Variants in LY86 observed in about 807,000 individuals in gnomAD.
LY86 encodes the protein lymphocyte antigen 86, also known as MD-1, RP105-associated.
A neutral mutation model predicts 17.3 loss-of-function variants in LY86; 20 were observed. The observed-to-expected ratio is 1.15, with a 90% confidence interval of 0.81 to 1.68. The LOEUF is 1.68. LY86 is among the 40% of genes most tolerant of loss of function. The probability of loss-of-function intolerance (pLI) is 0.00; values close to 1 mark genes in which losing one functional copy is unlikely to be tolerated. For synonymous variants in LY86, 74 were observed against 70.6 expected (o/e 1.05, Z -0.24); for missense variants, 200 against 191.9 (o/e 1.04, Z -0.25).
chr6:6,595,226 GAGT>G (rs1035865089), intron 1 of LY86, among the ~76,000 whole-genome samples: 1 of 150,736 alleles, frequency 6.6e-6, no homozygotes, highest in African/African-American at 2.4e-5. Context: ...AGGGGAAAAG[GAGT>G]AGGAGGAGGG....
chr6:6,654,316 A>G (rs1220846455), intron 4 of LY86, among the ~76,000 whole-genome samples: 3 of 152,210 alleles, frequency 2.0e-5, no homozygotes, highest in African/African-American at 7.2e-5. Context: ...AGTTTTCTCC[A>G]TGACATGAGC....
chr6:6,624,794 T>A (rs1043997038), intron 1 of LY86, 132 bp from the exon 2 acceptor site: 24 of 582,506 alleles, frequency 4.1e-5, no homozygotes, highest in Admixed American at 3.1e-4. Context: ...GGGCTTATTT[T>A]AAAAAGTGTT....
intron 1 of LY86, among the ~76,000 whole-genome samples, chr6:6,603,619 C>CAAAAAACAA (rs1561778071): frequency 2.5e-5 from 3 of 117,670 alleles, no homozygotes; most frequent in African/African-American, 9.2e-5. Flanking sequence ...AAAAAACAAA[C>CAAAAAACAA]AAAAAAAAAC....
chr6:6,654,770 AT>A lies in LY86; in HGVS notation c.*147del. The A allele has an allele frequency of 1.5e-6, 1 of 653,080 alleles. No homozygotes were observed. Among genetic ancestry groups the A allele is most frequent in the Non-Finnish European group, 2.7e-6 (1 of 374,990 alleles). 40.5% of individuals were successfully genotyped at this position (653,080 alleles called of 1,614,324 possible). On this transcript the variant is annotated 3_prime_UTR_variant, in exon 5 of 5. Coordinates refer to ENST00000230568, the MANE Select transcript of LY86 (RefSeq NM_004271.4). ...GCGCCCCCAAAGAGTGCAGCTGCTA[AT>A]TTTAGTCCCAGGACCAGACATCCCC...
chr6:6,618,760 A>G (rs1345574498), intron 1 of LY86, among the ~76,000 whole-genome samples: 1 of 152,232 alleles, frequency 6.6e-6, no homozygotes, highest in South Asian at 2.1e-4. Context: ...TAAGAGAGTC[A>G]AATGGGAGTG....
At chr6:6,631,821 A>G (rs1761902989) in intron 3 of LY86, among the ~76,000 whole-genome samples, 1 of 152,238 alleles carries the variant, frequency 6.6e-6, no homozygotes, top group African/African-American at 2.4e-5. Context: ...TGCCCAGATT[A>G]CATGAAGTGA....
intron 3 of LY86, among the ~76,000 whole-genome samples, chr6:6,627,484 C>A (rs578130285): frequency 6.6e-6 from 1 of 152,318 alleles, no homozygotes; most frequent in East Asian, 1.9e-4. Context: ...CCCTCGCCAT[C>A]CCTCCCGAGT....
chr6:6,604,613 G>A (rs1278928796), intron 1 of LY86, among the ~76,000 whole-genome samples: 2 of 152,042 alleles, frequency 1.3e-5, no homozygotes, highest in African/African-American at 2.4e-5. Context: ...AATTTCTGAA[G>A]AAAAATGCTG....
At chr6:6,605,673 T>C (rs1453696047) in intron 1 of LY86, among the ~76,000 whole-genome samples, 2 of 152,220 alleles carry the variant, frequency 1.3e-5, no homozygotes, top group Non-Finnish European at 2.9e-5. Flanking sequence ...AATTGATGGG[T>C]TCTTCATCTC....
intron 1 of LY86, among the ~76,000 whole-genome samples, chr6:6,604,544 C>G (rs1761034988): frequency 6.6e-6 from 1 of 151,942 alleles, no homozygotes; most frequent in South Asian, 2.1e-4. Context: ...AAATCTACCA[C>G]AGAGAAATAA....
intron 1 of LY86, among the ~76,000 whole-genome samples, chr6:6,624,459 GA>G (rs1445497653): frequency 6.8e-6 from 1 of 147,558 alleles, no homozygotes; most frequent in Non-Finnish European, 1.5e-5. Context: ...TCTTAACTTT[GA>G]AAATCTTTTT....
chr6:6,607,417 C>T (rs1273434428), intron 1 of LY86, among the ~76,000 whole-genome samples: 4 of 151,886 alleles, frequency 2.6e-5, no homozygotes, highest in Non-Finnish European at 5.9e-5. Flanking sequence ...TTAAGATATT[C>T]GTGTTAAATT....
intron 3 of LY86, among the ~76,000 whole-genome samples, chr6:6,642,496 CTGCCTGGAATCCA>C: frequency 6.6e-6 from 1 of 152,354 alleles, no homozygotes; most frequent in East Asian, 1.9e-4. Flanking sequence ...CCTACCCACA[CTGCCTGGAATCCA>C]TGGAAACCTG....
At chr6:6,615,719 CAA>C (rs373207405) in intron 1 of LY86, among the ~76,000 whole-genome samples, 7 of 91,718 alleles carry the variant, frequency 7.6e-5, no homozygotes, top group African/African-American at 1.3e-4. Context: ...GATGTTGTCT[CAA>C]AAAAAAAAAA....
chr6:6,628,509 A>G (rs987833120), intron 3 of LY86, among the ~76,000 whole-genome samples: 2 of 151,922 alleles, frequency 1.3e-5, no homozygotes, highest in African/African-American at 2.4e-5. Flanking sequence ...CTTTTCATCC[A>G]GACCTAGCTC....
chr6:6,612,297 G>A lies in LY86; in HGVS notation c.137-12629G>A, dbSNP rs539101142. ...CTGAGTTTCTTTCTCGTGGGTTAGT[G>A]GCCTTGCTAACTTCAGGCGTGAAAC... is the stretch of plus-strand genomic sequence containing the variant. On this transcript the variant is annotated intron_variant, in intron 1 of 4. Transcript: ENST00000230568. 7.2e-5 allele frequency among the ~76,000 whole-genome samples: 11 copies of A among 152,242 alleles called. No homozygotes were observed. The South Asian group carries it at 1.2e-3, about 17-fold the overall frequency.
chr6:6,650,356 A>T (rs1246777072), intron 4 of LY86, among the ~76,000 whole-genome samples: 6 of 116,630 alleles, frequency 5.1e-5, no homozygotes, highest in African/African-American at 1.0e-4. Context: ...TTTTTTTTTG[A>T]GAGAGTCTTG....
At chr6:6,596,848 T>C (rs2113080299) in intron 1 of LY86, among the ~76,000 whole-genome samples, 1 of 152,248 alleles carries the variant, frequency 6.6e-6, no homozygotes, top group South Asian at 2.1e-4. Flanking sequence ...TTCTCCAAAG[T>C]ACTTTTTAAA....
chr6:6,625,069 C>A, intron 2 of LY86, 57 bp downstream of exon 2: 1 of 756,912 alleles, frequency 1.3e-6, no homozygotes, highest in Non-Finnish European at 2.2e-6. Context: ...CTTCCAACTC[C>A]ACACACCCAA....
Sources: allele counts gnomAD v4.1 joint callset (sites outside exome capture counted in the v4.1 genomes callset), GRCh38; gene constraint gnomAD v4.1.1; transcripts MANE v1.5; gene names NCBI Gene and HGNC (gene_info 2026-07-23, HGNC 2026-07-21).